Variants in ARAP2 observed in about 807,000 individuals in gnomAD.
The protein encoded by ARAP2 is arf-GAP with Rho-GAP domain, ANK repeat and PH domain-containing protein 2.
Under a neutral mutation model 194.5 loss-of-function variants are expected in ARAP2, and 148 were observed. The ratio of observed to expected loss-of-function variants is 0.76; its 90% CI spans 0.67 to 0.87. ARAP2 has a LOEUF of 0.87. ARAP2 is among the 40% of genes least tolerant of loss of function. The probability of loss-of-function intolerance (pLI) is 0.00; values close to 1 mark genes in which losing one functional copy is unlikely to be tolerated. For missense variants in ARAP2, 2,128 were observed against 1,989.7 expected (o/e 1.07, Z -1.32); for synonymous variants, 695 against 683.5 (o/e 1.02, Z -0.26).
intron 6 of ARAP2, among the ~76,000 whole-genome samples, chr4:36,205,901 C>T (rs1745437426): frequency 6.6e-6 from 1 of 152,182 alleles, no homozygotes; most frequent in African/African-American, 2.4e-5. Context: ...TTCCTTGGCA[C>T]AATGTTTACA....
Position 36,228,567 on chromosome 4 carries a change from T to C in ARAP2, c.905+15A>G, listed in dbSNP as rs1750823332. On this transcript the variant is annotated intron_variant, in intron 2 of 32. Coordinates refer to ENST00000303965, the MANE Select transcript of ARAP2 (RefSeq NM_015230.4). ...CTCAAATTGAATATTTACAGCTTAT[T>C]GTAAAGATTCTTACCTCCCAGAAAC... is the stretch of plus-strand genomic sequence containing the variant. 7.7e-6 allele frequency: 12 copies of C among 1,553,392 alleles called. No individual in the cohort carries two copies. The highest frequency in any genetic ancestry group is 1.0e-5 in the Non-Finnish European group (12 of 1,152,814).
intron 5 of ARAP2, among the ~76,000 whole-genome samples, chr4:36,036,635 C>T (rs962230795): frequency 2.0e-5 from 3 of 151,924 alleles, no homozygotes; most frequent in African/African-American, 4.8e-5. Flanking sequence ...GAATTACGTC[C>T]TTCAGTTATA....
chr4:36,218,211 G>A (rs1695256341), intron 2 of ARAP2, among the ~76,000 whole-genome samples: 1 of 152,082 alleles, frequency 6.6e-6, no homozygotes, highest in Non-Finnish European at 1.5e-5. Flanking sequence ...GCAAACTAAT[G>A]CAGGAACAGA....
intron 27 of ARAP2, among the ~76,000 whole-genome samples, 175 bp downstream of exon 27, chr4:36,107,390 T>C (rs1282428736): frequency 6.6e-6 from 1 of 152,068 alleles, no homozygotes; most frequent in Non-Finnish European, 1.5e-5. Flanking sequence ...AGCAACACAT[T>C]GGGAAAATAT....
chr4:36,168,148 C>T (rs1735713512), intron 9 of ARAP2, among the ~76,000 whole-genome samples: 1 of 152,154 alleles, frequency 6.6e-6, no homozygotes, highest in Admixed American at 6.5e-5. Context: ...CTCCTCTCCC[C>T]TACACTTAGA....
At chr4:36,233,933 T>C (rs946431751) in intron 1 of ARAP2, among the ~76,000 whole-genome samples, 2 of 152,364 alleles carry the variant, frequency 1.3e-5, no homozygotes, top group South Asian at 2.1e-4. Flanking sequence ...TCTTAGAGTG[T>C]TGTCCTAGTC....
At position 36,047,645 on chromosome 4, in the gene ARAP2, G is replaced by C. The variant is rs114531060; in HGVS notation, n.370-796C>G. Among the ~76,000 whole-genome samples, 214 of 152,140 alleles carry C rather than the reference G, an allele frequency of 1.4e-3. 2 individuals carry two copies. Among genetic ancestry groups the C allele is most frequent in the Non-Finnish European group, 1.8e-3 (123 of 68,000 alleles). On this transcript the variant is annotated intron_variant and non_coding_transcript_variant, in intron 3 of 12. Transcript: ENST00000503225. ...GCATAACTGAATTCAACTTATTCCTGAGGTTACCACTTCTTCATCCTTCTC... is the reference window on the plus strand; with the variant it reads ...GCATAACTGAATTCAACTTATTCCTCAGGTTACCACTTCTTCATCCTTCTC...
intron 32 of ARAP2, among the ~76,000 whole-genome samples, chr4:36,071,457 T>C (rs1006558057): frequency 2.6e-5 from 4 of 152,170 alleles, no homozygotes; most frequent in African/African-American, 9.7e-5. Flanking sequence ...TTCAGCTGGC[T>C]CACTACTAAT....
chr4:36,126,427 A>G lies in ARAP2; in HGVS notation c.3641-1460T>C, dbSNP rs73806491. On this transcript the variant is annotated intron_variant, in intron 21 of 32. Transcript: ENST00000303965. ...TGATTTCAGGCCATATAGAAAATAC[A>G]ATGAGCAATTCAACGAAACATATAA... Among the ~76,000 whole-genome samples the G allele has an allele frequency of 5.3e-3, 807 of 152,166 alleles. 11 individuals carry two copies. The highest frequency in any genetic ancestry group is 0.018 in the African/African-American group (761 of 41,560).
At chr4:36,214,890 G>T (rs558731167) in intron 2 of ARAP2, among the ~76,000 whole-genome samples, 31 of 152,210 alleles carry the variant, frequency 2.0e-4, no homozygotes, top group African/African-American at 4.1e-4. Flanking sequence ...TATTTGTGTA[G>T]CTTTTTGTCT....
intron 11 of ARAP2, among the ~76,000 whole-genome samples, chr4:36,161,901 G>A (rs1461204276): frequency 2.0e-5 from 3 of 151,462 alleles, no homozygotes; most frequent in Admixed American, 6.6e-5. Context: ...GAGGTCAGGA[G>A]ATCGAGAACA....
chr4:36,167,365 A>T (rs1051928940), intron 9 of ARAP2, among the ~76,000 whole-genome samples: 6 of 152,156 alleles, frequency 3.9e-5, no homozygotes, highest in Non-Finnish European at 5.9e-5. Context: ...AATATTAACT[A>T]CCTCTTATTG....
At chr4:36,235,030 T>C (rs1752191946) in intron 1 of ARAP2, among the ~76,000 whole-genome samples, 1 of 152,180 alleles carries the variant, frequency 6.6e-6, no homozygotes, top group Non-Finnish European at 1.5e-5. Flanking sequence ...CAGCTTACCA[T>C]ATCACTCAAT....
chr4:36,068,895 G>A (rs1726150632), intron 32 of ARAP2, among the ~76,000 whole-genome samples: 1 of 152,112 alleles, frequency 6.6e-6, no homozygotes, highest in South Asian at 2.1e-4. Flanking sequence ...TGCAATCCAT[G>A]GAAATTCATT....
intron 6 of ARAP2, among the ~76,000 whole-genome samples, chr4:36,195,798 T>C (rs997775392): frequency 1.3e-5 from 2 of 152,222 alleles, no homozygotes; most frequent in African/African-American, 2.4e-5. Context: ...CTTTTCCTCA[T>C]AGCACTTAAC....
chr4:36,048,090 T>G (rs910245357), intron 3 of ARAP2, among the ~76,000 whole-genome samples: 1 of 152,168 alleles, frequency 6.6e-6, no homozygotes, highest in Non-Finnish European at 1.5e-5. Flanking sequence ...TGAAAGCAAA[T>G]TTTAATTTAG....
chr4:36,198,789 C>G (rs1433489152), intron 6 of ARAP2, among the ~76,000 whole-genome samples: 3 of 152,188 alleles, frequency 2.0e-5, no homozygotes, highest in Non-Finnish European at 4.4e-5. Flanking sequence ...TAGGGGGTGG[C>G]CTTCTGGTCC....
intron 5 of ARAP2, among the ~76,000 whole-genome samples, chr4:36,028,537 T>C (rs367637937): frequency 2.0e-5 from 3 of 152,078 alleles, no homozygotes; most frequent in African/African-American, 7.2e-5. Context: ...AGTGGTTATT[T>C]TCCTATTCGA....
At chr4:36,197,286 A>T (rs1181207046) in intron 6 of ARAP2, among the ~76,000 whole-genome samples, 2 of 152,208 alleles carry the variant, frequency 1.3e-5, no homozygotes, top group African/African-American at 4.8e-5. Context: ...TCATCAATAT[A>T]AAACCAGTGA....
Sources: allele counts gnomAD v4.1 joint callset (sites outside exome capture counted in the v4.1 genomes callset), GRCh38; gene constraint gnomAD v4.1.1; transcripts MANE v1.5; gene names NCBI Gene and HGNC (gene_info 2026-07-23, HGNC 2026-07-21).